TMPRSS15: variants seen among roughly 807,000 people sequenced by gnomAD.
TMPRSS15 encodes enteropeptidase.
In TMPRSS15, 128 loss-of-function variants were observed where a neutral mutation model predicts 125.3. That is an observed-to-expected ratio of 1.02 (90% confidence interval 0.89 to 1.18). The LOEUF (loss-of-function observed/expected upper bound fraction) is 1.18, where lower values mean the gene tolerates loss of function less well. Ranked by LOEUF, TMPRSS15 falls within the 50% of genes most tolerant of loss-of-function variation. The pLI, the probability that TMPRSS15 is intolerant of heterozygous loss-of-function variation, is 0.00. For missense variants in TMPRSS15, 1,283 were observed against 1,212.7 expected, an observed-to-expected ratio of 1.06 and a Z score of -0.86; for synonymous variants, 446 against 423.2, an observed-to-expected ratio of 1.05 and a Z score of -0.66.
At chr21:18,388,646 T>C (rs2075966181) in intron 3 of TMPRSS15, among the ~76,000 whole-genome samples, 1 of 152,168 alleles carries the variant, frequency 6.6e-6, no homozygotes, top group Non-Finnish European at 1.5e-5. Context: ...TAAAGCCTTT[T>C]GGAAATAAAT....
intron 1 of TMPRSS15, among the ~76,000 whole-genome samples, chr21:18,417,398 G>A (rs1279841137): frequency 6.6e-6 from 1 of 151,966 alleles, no homozygotes; most frequent in Non-Finnish European, 1.5e-5. Flanking sequence ...TGAGATTTCT[G>A]GAGATAAAGA....
At chr21:18,365,574 TTC>T (rs10655380) in intron 6 of TMPRSS15, among the ~76,000 whole-genome samples, 2 of 100,270 alleles carry the variant, frequency 2.0e-5, no homozygotes, top group East Asian at 5.4e-4. Context: ...TTCTCTCTCT[TTC>T]TCTCTTTTTC....
At chr21:18,334,397 G>T (rs566051086) in intron 13 of TMPRSS15, among the ~76,000 whole-genome samples, 9 of 152,134 alleles carry the variant, frequency 5.9e-5, no homozygotes, top group Non-Finnish European at 1.3e-4. Context: ...CTTGCAAAGT[G>T]CTTCCATGCA....
At chr21:18,409,866 C>T (rs1353678811) in intron 1 of TMPRSS15, among the ~76,000 whole-genome samples, 13 of 109,146 alleles carry the variant, frequency 1.2e-4, no homozygotes, top group Non-Finnish European at 1.9e-4. Flanking sequence ...CCTTCCCTCC[C>T]TCCCTCCCTT....
intron 8 of TMPRSS15, among the ~76,000 whole-genome samples, chr21:18,358,392 T>G (rs1487099792): frequency 6.6e-6 from 1 of 151,904 alleles, no homozygotes; most frequent in Non-Finnish European, 1.5e-5. Flanking sequence ...TAAAGTTTAT[T>G]AATGTCACAT....
Position 18,471,476 on chromosome 21 carries a change from G to GA in TMPRSS15, c.10+14322dup, listed in dbSNP as rs11355100. Among the ~76,000 whole-genome samples the GA allele has an allele frequency of 1.3e-3, 197 of 146,870 alleles. 2 individuals carry two copies. The highest frequency in any genetic ancestry group is 3.4e-3 in the Middle Eastern group (1 of 290). On this transcript the variant is annotated intron_variant, in intron 1 of 7. Transcript: ENST00000422787. ...GCTGTCTTCTTAATCTTTCAGTTTT[G>GA]AAAAAAAAAAACAGCATAATATGGT...
At chr21:18,300,475 G>A (rs1338720073) in intron 18 of TMPRSS15, among the ~76,000 whole-genome samples, 3 of 151,758 alleles carry the variant, frequency 2.0e-5, no homozygotes, top group African/African-American at 7.3e-5. Context: ...CCGAGTATCT[G>A]GGACTATAGG....
intron 18 of TMPRSS15, among the ~76,000 whole-genome samples, chr21:18,307,764 A>G (rs939551812): frequency 3.3e-5 from 5 of 152,162 alleles, no homozygotes; most frequent in African/African-American, 7.2e-5. Context: ...ACATTTTGCT[A>G]TCAGCCAACT....
At chr21:18,476,301 A>G (rs1190145226) in intron 1 of TMPRSS15, among the ~76,000 whole-genome samples, 3 of 152,156 alleles carry the variant, frequency 2.0e-5, no homozygotes, top group Non-Finnish European at 4.4e-5. Context: ...TCCAATTTTT[A>G]GCATGTGTTA....
In TMPRSS15 at chr21:18,275,385, C is replaced by T. The variant is rs769538585; in HGVS notation, c.2765-49G>A. 1.9e-6 allele frequency: 3 copies of T among 1,608,640 alleles called. No homozygotes were observed. The Admixed American group carries it at 5.0e-5, about 27-fold the overall frequency. On this transcript the variant is annotated intron_variant, in intron 23 of 24. Transcript: ENST00000284885. ...CAGCCAGTCAGAAGTGATCAACATG[C>T]ATCCTTGAATGAACTACCATCAGTC...
At position 18,327,909 on chromosome 21, in the gene TMPRSS15, C is replaced by T. The variant is rs545484314; in HGVS notation, c.1780+1260G>A. ...TCTACTAAAAATACAAAAAATTAGC[C>T]GGGCGAGGTGGTGGGCGCCTGTAAT... On this transcript the variant is annotated intron_variant, in intron 15 of 24. Transcript: ENST00000284885. Among the ~76,000 whole-genome samples the T allele has an allele frequency of 3.7e-4, 56 of 151,920 alleles. No individual in the cohort carries two copies. The South Asian group carries it at 4.4e-3, about 12-fold the overall frequency.
intron 1 of TMPRSS15, among the ~76,000 whole-genome samples, chr21:18,424,746 G>A (rs2076198992): frequency 6.6e-6 from 1 of 152,054 alleles, no homozygotes; most frequent in African/African-American, 2.4e-5. Context: ...TTAAAAAAGA[G>A]CTAGGCATCT....
chr21:18,292,333 C>G (rs556992492), intron 21 of TMPRSS15, among the ~76,000 whole-genome samples: 1 of 152,148 alleles, frequency 6.6e-6, no homozygotes, highest in Non-Finnish European at 1.5e-5. Context: ...TTTCAATAAA[C>G]GATCTTTTTG....
intron 18 of TMPRSS15, among the ~76,000 whole-genome samples, chr21:18,301,462 CAA>C (rs2074972482): frequency 6.6e-6 from 1 of 152,048 alleles, no homozygotes; most frequent in Non-Finnish European, 1.5e-5. Flanking sequence ...TTTTGAAAGA[CAA>C]AAATCTCAGA....
At chr21:18,452,566 T>G (rs1009204456) in intron 1 of TMPRSS15, among the ~76,000 whole-genome samples, 5 of 152,158 alleles carry the variant, frequency 3.3e-5, no homozygotes, top group African/African-American at 1.2e-4. Context: ...CTTGAGAGGC[T>G]GAGGTGGGAG....
intron 1 of TMPRSS15, among the ~76,000 whole-genome samples, chr21:18,428,135 A>T (rs1294835993): frequency 1.3e-5 from 2 of 152,224 alleles, no homozygotes; most frequent in Admixed American, 1.3e-4. Context: ...TCTGCAAGAT[A>T]TGAAGCCTTT....
intron 7 of TMPRSS15, 88 bp from the exon 8 acceptor site, chr21:18,359,951 T>C: frequency 1.0e-5 from 7 of 687,568 alleles, no homozygotes; most frequent in Non-Finnish European, 1.9e-5. Context: ...TGTTTTCTTG[T>C]GGTGAACACC....
intron 8 of TMPRSS15, among the ~76,000 whole-genome samples, chr21:18,358,221 C>A (rs2824769): frequency 0.084 from 12,771 of 151,696 alleles, 643 homozygotes; most frequent in South Asian, 0.13. Flanking sequence ...ATATCTTATG[C>A]CTACCACTTA....
intron 1 of TMPRSS15, among the ~76,000 whole-genome samples, chr21:18,418,553 T>C (rs1206850186): frequency 6.6e-6 from 1 of 152,170 alleles, no homozygotes; most frequent in Non-Finnish European, 1.5e-5. Context: ...GGCCTCTTGC[T>C]GAAATAGGGA....
Sources: gnomAD v4.1 joint callset for allele counts (sites outside exome capture counted in the v4.1 genomes callset) on GRCh38, gnomAD v4.1.1 for gene constraint, MANE v1.5 for transcripts, NCBI Gene and HGNC (gene_info 2026-07-23, HGNC 2026-07-21) for gene names.